The following DYNC2I2 variants were observed in gnomAD, a reference collection of about 807,000 sequenced individuals.
DYNC2I2 encodes the protein dynein 2 intermediate chain 2, also known as cytoplasmic dynein 2 intermediate chain 2.
DYNC2I2 carries 39 observed loss-of-function variants against 52.0 expected under a neutral mutation model. The ratio of observed to expected loss-of-function variants is 0.75; its 90% confidence interval spans 0.58 to 0.98. The LOEUF is 0.98. Among genes scored for constraint, DYNC2I2 ranks in the 50% least tolerant of loss-of-function variants. The pLI is 0.00. For synonymous variants in DYNC2I2, 359 were observed against 321.1 expected (o/e 1.12, Z -1.26); for missense variants, 743 against 728.4 (o/e 1.02, Z -0.23).
chr9:128,661,273 C>G (rs1253187549), upstream of DYNC2I2, among the ~76,000 whole-genome samples: 1 of 147,496 alleles, frequency 6.8e-6, no homozygotes, highest in East Asian at 2.0e-4. Context: ...CCACTGCACT[C>G]CAGTCTGGGT....
upstream of DYNC2I2, among the ~76,000 whole-genome samples, chr9:128,658,096 AAATAAT>A (rs750252155): frequency 7.9e-5 from 12 of 152,010 alleles, no homozygotes; most frequent in South Asian, 2.1e-4. Flanking sequence ...CCCTGTCTCA[AAATAAT>A]AATAATAATA....
chr9:128,635,764 C>T lies in DYNC2I2; in HGVS notation c.707G>A (p.Gly236Glu), dbSNP rs943375385. The T allele has an allele frequency of 1.9e-6, 3 of 1,611,652 alleles. No homozygotes were observed. Among genetic ancestry groups the T allele is most frequent in the Non-Finnish European group, 2.5e-6 (3 of 1,178,936 alleles). Residue 236 changes from glycine to glutamate, a missense_variant, in exon 5 of 9, where the codon GGG becomes GAG. Gly to Glu is a moderately conservative substitution (Grantham distance 98). Coordinates refer to ENST00000372715, the MANE Select transcript of DYNC2I2 (RefSeq NM_052844.4). The stretch of plus-strand genomic sequence containing the variant: ...CACCAACACCTCACCACTGTACAGC[C>T]CTCCTGCAGGGACAGTGGACCTGGG... ...HPTQPSHVAG[G>E]LYSGEVLVWD... is the part of the protein sequence containing the mutation.
At chr9:128,656,518 C>A in intron 1 of DYNC2I2, 23 bp downstream of exon 1, 1 of 1,274,492 alleles carries the variant, frequency 7.8e-7, no homozygotes, top group Non-Finnish European at 9.9e-7. Flanking sequence ...CCGCGTCGCT[C>A]CGCGCGGGGC....
chr9:128,681,952 AC>A, the DYNC2I2 span, among the ~76,000 whole-genome samples: 1 of 152,086 alleles, frequency 6.6e-6, no homozygotes, highest in African/African-American at 2.4e-5. Flanking sequence ...GGTGCCTGTA[AC>A]CCCAGCTACT....
the DYNC2I2 span, among the ~76,000 whole-genome samples, chr9:128,670,376 G>A: frequency 3.9e-5 from 6 of 151,950 alleles, no homozygotes; most frequent in Non-Finnish European, 7.4e-5. Context: ...GGAGGCAGAG[G>A]TTGCAGTGAG....
intron 1 of DYNC2I2, among the ~76,000 whole-genome samples, chr9:128,648,929 C>A (rs949381618): frequency 6.6e-6 from 1 of 152,074 alleles, no homozygotes; most frequent in East Asian, 1.9e-4. Flanking sequence ...AGAGGCCTGC[C>A]AGGGAGTGAA....
At chr9:128,647,664 A>AGAGGTTGCAGTGAGCC (rs1263993475) in intron 1 of DYNC2I2, among the ~76,000 whole-genome samples, 1 of 148,734 alleles carries the variant, frequency 6.7e-6, no homozygotes, top group Non-Finnish European at 1.5e-5. Flanking sequence ...CCCAGAAAGC[A>AGAGGTTGCAGTGAGCC]GAGGTTGCAG....
intron 1 of DYNC2I2, among the ~76,000 whole-genome samples, chr9:128,655,335 T>TAAAAAAAAAAA (rs869197100): frequency 0.03 from 559 of 18,686 alleles, 176 homozygotes; most frequent in East Asian, 0.057. Context: ...CCGTCTCTAC[T>TAAAAAAAAAAA]AAAAAAAAAA....
the DYNC2I2 span, among the ~76,000 whole-genome samples, chr9:128,671,300 CTCTT>C: frequency 6.7e-6 from 1 of 149,172 alleles, no homozygotes; most frequent in Non-Finnish European, 1.5e-5. Flanking sequence ...GACCCTGTCT[CTCTT>C]TTTTTTTTTT....
chr9:128,649,088 A>G (rs1329222312), intron 1 of DYNC2I2, among the ~76,000 whole-genome samples: 1 of 152,186 alleles, frequency 6.6e-6, no homozygotes, highest in Non-Finnish European at 1.5e-5. Flanking sequence ...AAAGTTCAAT[A>G]GATCGCGGTG....
the DYNC2I2 span, among the ~76,000 whole-genome samples, chr9:128,666,527 T>G: frequency 2.6e-5 from 4 of 151,930 alleles, no homozygotes; most frequent in Non-Finnish European, 4.4e-5. Flanking sequence ...TTTGGGAGGC[T>G]GAGGTGGGCG....
chr9:128,663,649 C>CTTTTTTTTTTTTTTT, the DYNC2I2 span: 4 of 77,128 alleles, frequency 5.2e-5, no homozygotes, highest in Non-Finnish European at 5.3e-5. Context: ...TAGTTTTTTT[C>CTTTTTTTTTTTTTTT]TTTTTTTTTT....
chr9:128,661,482 A>C (rs1354968258), upstream of DYNC2I2, among the ~76,000 whole-genome samples: 2 of 151,442 alleles, frequency 1.3e-5, no homozygotes, highest in Non-Finnish European at 2.9e-5. Flanking sequence ...TACGGGTGAC[A>C]TAGCGGGTGC....
At chr9:128,640,201 G>A (rs1438681565) in intron 2 of DYNC2I2, among the ~76,000 whole-genome samples, 3 of 148,862 alleles carry the variant, frequency 2.0e-5, no homozygotes, top group Admixed American at 6.6e-5. Flanking sequence ...TAGTAGAGAC[G>A]GGGTTTCACC....
the DYNC2I2 span, among the ~76,000 whole-genome samples, chr9:128,675,603 G>GC: frequency 6.6e-6 from 1 of 152,234 alleles, no homozygotes; most frequent in East Asian, 1.9e-4. Flanking sequence ...TGTAGGTCCA[G>GC]CTGATGCTCA....
chr9:128,660,356 C>T (rs1860904417), upstream of DYNC2I2, among the ~76,000 whole-genome samples: 1 of 151,652 alleles, frequency 6.6e-6, no homozygotes, highest in African/African-American at 2.4e-5. Flanking sequence ...GTGATCTGCC[C>T]ACCTCGGCCT....
intron 8 of DYNC2I2, 102 bp downstream of exon 8, chr9:128,634,124 A>G: frequency 6.4e-7 from 1 of 1,569,868 alleles, no homozygotes; most frequent in South Asian, 1.2e-5. Context: ...AGCCGTCCTT[A>G]CCCCCATGTG....
chr9:128,680,023 C>T, the DYNC2I2 span, among the ~76,000 whole-genome samples: 1 of 152,064 alleles, frequency 6.6e-6, no homozygotes, highest in African/African-American at 2.4e-5. Flanking sequence ...TCTAATAGTA[C>T]ATGCTAATTT....
At chr9:128,644,611 C>T (rs892118168) in intron 1 of DYNC2I2, among the ~76,000 whole-genome samples, 1 of 152,122 alleles carries the variant, frequency 6.6e-6, no homozygotes, top group African/African-American at 2.4e-5. Context: ...TCTGACCTCA[C>T]GACAGTAAAC....
Sources: gnomAD v4.1 joint callset for allele counts (sites outside exome capture counted in the v4.1 genomes callset) on GRCh38, gnomAD v4.1.1 for gene constraint, MANE v1.5 for transcripts, NCBI Gene and HGNC (gene_info 2026-07-23, HGNC 2026-07-21) for gene names.